WARS2: variants seen among roughly 807,000 people sequenced by gnomAD.
WARS2 encodes the protein tryptophanyl tRNA synthetase 2, mitochondrial.
A neutral mutation model predicts 36.5 loss-of-function variants in WARS2; 28 were observed. That is an observed-to-expected ratio of 0.77 (90% CI 0.57 to 1.05). WARS2 has a LOEUF of 1.05. WARS2 is among the 50% of genes least tolerant of loss of function. The probability of loss-of-function intolerance (pLI) is 0.00; values close to 1 mark genes in which losing one functional copy is unlikely to be tolerated. For synonymous variants in WARS2, 174 were observed against 178.4 expected, an observed-to-expected ratio of 0.98 and a Z score of 0.20; for missense variants, 435 against 456.8, an observed-to-expected ratio of 0.95 and a Z score of 0.44.
At position 119,042,408 on chromosome 1, in the gene WARS2, A is replaced by G. The variant is rs1476360974; in HGVS notation, c.430-59T>C. 6 of 1,491,908 alleles carry G rather than the reference A, an allele frequency of 4.0e-6. No individual in the cohort carries two copies. The African/African-American group carries it at 8.3e-5, about 21-fold the overall frequency. The allele number at this position is 1,491,908 out of a possible 1,614,324, so 92.4% of individuals were successfully genotyped here. A position where few individuals can be genotyped will look rare whatever the true frequency, so the allele number is the denominator to read the frequency against. ...TCTGAAATCTGACTTGAACCTAATT[A>G]TACTGCTAGATTAAGAAAATTTTAA... On this transcript the variant is annotated intron_variant, in intron 3 of 5. Coordinates refer to ENST00000235521, the MANE Select transcript of WARS2 (RefSeq NM_015836.4).
Position 119,114,885 on chromosome 1 carries a change from A to G in WARS2, c.90+25670T>C, listed in dbSNP as rs958990754. On this transcript the variant is annotated intron_variant, in intron 1 of 5. Transcript: ENST00000235521. ...ATGCAGCCATATGCTCCCTGATATT[A>G]TAAGTCCTATTATGCAAGCCTCCTC... 1.1e-4 allele frequency among the ~76,000 whole-genome samples: 16 copies of G among 152,300 alleles called. No individual in the cohort carries two copies. The East Asian group carries it at 2.5e-3, about 24-fold the overall frequency.
chr1:119,129,682 T>A (rs1438668397), intron 1 of WARS2, among the ~76,000 whole-genome samples: 1 of 151,538 alleles, frequency 6.6e-6, no homozygotes, highest in Non-Finnish European at 1.5e-5. Context: ...ACCACTGCAC[T>A]CCAGCCTGGG....
At chr1:119,120,380 T>A (rs1399961602) in intron 1 of WARS2, among the ~76,000 whole-genome samples, 2 of 150,664 alleles carry the variant, frequency 1.3e-5, no homozygotes, top group East Asian at 2.0e-4. Flanking sequence ...TAAAAAAAAA[T>A]AACAAGTAAT....
intron 2 of WARS2, among the ~76,000 whole-genome samples, chr1:119,074,563 G>C (rs930836697): frequency 3.9e-5 from 6 of 152,184 alleles, no homozygotes; most frequent in South Asian, 4.1e-4. Context: ...AAGGAATGAA[G>C]TTGAGGTAAA....
At chr1:119,100,878 T>C (rs1250141920) in intron 1 of WARS2, among the ~76,000 whole-genome samples, 1 of 152,216 alleles carries the variant, frequency 6.6e-6, no homozygotes, top group African/African-American at 2.4e-5. Context: ...GCTCAAGTGA[T>C]ACTCCCACCT....
At chr1:119,135,775 G>A (rs1254482039) in intron 1 of WARS2, among the ~76,000 whole-genome samples, 1 of 149,226 alleles carries the variant, frequency 6.7e-6, no homozygotes, top group Non-Finnish European at 1.5e-5. Flanking sequence ...GAGAGAGAGA[G>A]ATGGGTTTTG....
intron 2 of WARS2, among the ~76,000 whole-genome samples, 182 bp downstream of exon 2, chr1:119,076,168 T>C (rs587655032): frequency 9.8e-5 from 15 of 152,294 alleles, no homozygotes; most frequent in African/African-American, 3.6e-4. Context: ...ACTCTTGCAA[T>C]ATAATGATAC....
intron 2 of WARS2, among the ~76,000 whole-genome samples, chr1:119,069,808 G>C (rs1393123549): frequency 6.6e-6 from 1 of 152,162 alleles, no homozygotes; most frequent in Non-Finnish European, 1.5e-5. Flanking sequence ...TGTGAGGCTA[G>C]GGCAGGAGTG....
At chr1:119,079,375 T>C (rs1307977979) in intron 1 of WARS2, among the ~76,000 whole-genome samples, 1 of 152,178 alleles carries the variant, frequency 6.6e-6, no homozygotes, top group African/African-American at 2.4e-5. Flanking sequence ...CGTATCAATA[T>C]ATTTTAGAAT....
intron 1 of WARS2, among the ~76,000 whole-genome samples, chr1:119,130,187 T>C (rs1655999556): frequency 6.6e-6 from 1 of 152,220 alleles, no homozygotes; most frequent in Admixed American, 6.5e-5. Context: ...AGCTTTTTAT[T>C]TCCTTTATAA....
chr1:119,126,708 T>C (rs587704231), intron 1 of WARS2: 2 of 730,338 alleles, frequency 2.7e-6, no homozygotes, highest in Admixed American at 1.7e-5. Flanking sequence ...AACGAAGACA[T>C]CACAGAGAGG....
intron 1 of WARS2, among the ~76,000 whole-genome samples, chr1:119,131,839 C>A (rs1656138477): frequency 6.6e-6 from 1 of 151,590 alleles, no homozygotes; most frequent in Admixed American, 6.6e-5. Context: ...AGCAAGGGAA[C>A]AACATAATTA....
intron 2 of WARS2, among the ~76,000 whole-genome samples, chr1:119,059,121 C>G (rs1354075968): frequency 6.6e-6 from 1 of 150,756 alleles, no homozygotes; most frequent in Admixed American, 6.6e-5. Context: ...TGAGAAGTGT[C>G]TGTTCATGTC....
intron 1 of WARS2, among the ~76,000 whole-genome samples, chr1:119,116,336 A>C (rs1276078355): frequency 6.6e-6 from 1 of 152,204 alleles, no homozygotes. Flanking sequence ...AGTCAACTTA[A>C]AGTAGGAGTT....
chr1:119,135,759 T>TAGAG (rs71586673), intron 1 of WARS2, among the ~76,000 whole-genome samples: 1 of 146,324 alleles, frequency 6.8e-6, no homozygotes, highest in African/African-American at 2.6e-5. Context: ...GATAGAGAGA[T>TAGAG]AGAGAGAGAG....
At chr1:119,092,176 C>G (rs1653092224) in intron 1 of WARS2, among the ~76,000 whole-genome samples, 1 of 152,152 alleles carries the variant, frequency 6.6e-6, no homozygotes, top group African/African-American at 2.4e-5. Flanking sequence ...CCTCTACTTT[C>G]TCTGACTGAC....
chr1:119,035,875 A>T (rs1003088496), intron 4 of WARS2, among the ~76,000 whole-genome samples: 1 of 152,340 alleles, frequency 6.6e-6, no homozygotes, highest in Middle Eastern at 3.4e-3. Flanking sequence ...GGACCATGAC[A>T]GCAGACCCAG....
At chr1:119,043,957 C>T (rs1026037911) in intron 3 of WARS2, among the ~76,000 whole-genome samples, 6 of 152,166 alleles carry the variant, frequency 3.9e-5, no homozygotes, top group Non-Finnish European at 7.3e-5. Flanking sequence ...AGGCTAGATG[C>T]CTTTATCAGA....
At chr1:119,082,879 T>C (rs987779081) in intron 1 of WARS2, among the ~76,000 whole-genome samples, 29 of 152,182 alleles carry the variant, frequency 1.9e-4, no homozygotes, top group African/African-American at 5.3e-4. Context: ...CAGGGCCTTT[T>C]AGAAAGTGAT....
Sources: gnomAD v4.1 joint callset for allele counts (sites outside exome capture counted in the v4.1 genomes callset) on GRCh38, gnomAD v4.1.1 for gene constraint, MANE v1.5 for transcripts, NCBI Gene and HGNC (gene_info 2026-07-23, HGNC 2026-07-21) for gene names.